Variants in DPY19L1 observed in about 807,000 individuals in gnomAD.
DPY19L1 encodes dpy-19 like C-mannosyltransferase 1.
A neutral mutation model predicts 96.9 loss-of-function variants in DPY19L1; 35 were observed. The ratio of observed to expected loss-of-function variants is 0.36; its 90% CI spans 0.28 to 0.48. The LOEUF (loss-of-function observed/expected upper bound fraction) is 0.48. Ranked by LOEUF, DPY19L1 falls within the 20% of genes least tolerant of loss-of-function variation. The pLI is 0.99. For missense variants in DPY19L1, 521 were observed against 777.9 expected (o/e 0.67, Z 3.93); for synonymous variants, 205 against 252.6 (o/e 0.81, Z 1.79).
At chr7:34,990,009 A>G in intron 6 of DPY19L1, 68 bp from the exon 7 acceptor site, 1 of 1,268,980 alleles carries the variant, frequency 7.9e-7, no homozygotes, top group Non-Finnish European at 1.1e-6. Context: ...ACCTTAAAAC[A>G]CATAATATCA....
At chr7:35,037,730 C>G (rs983965162), upstream of DPY19L1, 1 of 865,504 alleles carries the variant, frequency 1.2e-6, no homozygotes, top group Admixed American at 5.8e-5. Flanking sequence ...CCCTCTGCGC[C>G]GGACGCGCGC....
intron 13 of DPY19L1, among the ~76,000 whole-genome samples, chr7:34,950,664 T>C (rs1043516512): frequency 2.0e-5 from 3 of 152,152 alleles, no homozygotes; most frequent in Non-Finnish European, 4.4e-5. Flanking sequence ...GAGTAGGAAC[T>C]AGATGGTGGC....
intron 7 of DPY19L1, among the ~76,000 whole-genome samples, chr7:34,982,086 G>C (rs1784951433): frequency 6.6e-6 from 1 of 152,106 alleles, no homozygotes; most frequent in African/African-American, 2.4e-5. Flanking sequence ...AAAAAACAAA[G>C]AGAAACTGTT....
At chr7:34,959,995 C>A (rs192745963) in intron 10 of DPY19L1, among the ~76,000 whole-genome samples, 1 of 147,016 alleles carries the variant, frequency 6.8e-6, no homozygotes, top group African/African-American at 2.5e-5. Context: ...ATATTTTTCT[C>A]AGTTCATTTT....
chr7:34,971,809 C>T (rs1007118011), intron 8 of DPY19L1, among the ~76,000 whole-genome samples: 3 of 152,142 alleles, frequency 2.0e-5, no homozygotes, highest in Non-Finnish European at 2.9e-5. Context: ...ACTGAAGAGG[C>T]CCCATCCTGG....
chr7:35,027,299 A>G (rs1371323313), intron 1 of DPY19L1, among the ~76,000 whole-genome samples: 1 of 152,094 alleles, frequency 6.6e-6, no homozygotes, highest in Non-Finnish European at 1.5e-5. Flanking sequence ...AGCTGTTATC[A>G]CTAACACGCT....
chr7:34,949,473 G>T (rs1784225436), intron 14 of DPY19L1, among the ~76,000 whole-genome samples: 1 of 152,220 alleles, frequency 6.6e-6, no homozygotes. Context: ...ACCACAAAAT[G>T]AGTGGAAATG....
intron 21 of DPY19L1, among the ~76,000 whole-genome samples, chr7:34,933,717 T>C (rs1019778585): frequency 6.6e-6 from 1 of 152,226 alleles, no homozygotes. Flanking sequence ...GGATGTTTCC[T>C]GCCCTTGAAC....
At chr7:34,940,716 A>T (rs976379610) in intron 18 of DPY19L1, 1 of 170,168 alleles carries the variant, frequency 5.9e-6, no homozygotes, top group Non-Finnish European at 1.4e-5. Flanking sequence ...TGTGACCAGC[A>T]GGAACCCCAC....
chr7:34,933,476 T>C (rs1305248233), intron 21 of DPY19L1, among the ~76,000 whole-genome samples: 6 of 152,088 alleles, frequency 3.9e-5, no homozygotes, highest in Admixed American at 6.5e-5. Flanking sequence ...CAGTATTGAG[T>C]GTCAACTTGA....
At chr7:34,939,245 T>C in intron 20 of DPY19L1, 31 bp downstream of exon 20, 1 of 1,587,794 alleles carries the variant, frequency 6.3e-7, no homozygotes, top group Non-Finnish European at 8.6e-7. Context: ...CATGGGAGGT[T>C]TGTTTTGATG....
At chr7:34,937,072 A>C (rs1347125143) in intron 21 of DPY19L1, among the ~76,000 whole-genome samples, 1 of 152,264 alleles carries the variant, frequency 6.6e-6, no homozygotes, top group African/African-American at 2.4e-5. Context: ...CTTTAAAAGC[A>C]GGCTACTGTC....
intron 10 of DPY19L1, among the ~76,000 whole-genome samples, chr7:34,965,651 T>A (rs1346391677): frequency 1.3e-5 from 2 of 152,290 alleles, no homozygotes; most frequent in East Asian, 3.9e-4. Context: ...TTACACATTA[T>A]AAATGTTCTT....
At chr7:35,029,491 C>T (rs1786210038) in intron 1 of DPY19L1, among the ~76,000 whole-genome samples, 1 of 152,164 alleles carries the variant, frequency 6.6e-6, no homozygotes, top group Admixed American at 6.5e-5. Flanking sequence ...AGTTCATTAA[C>T]TGATAACCCA....
intron 6 of DPY19L1, among the ~76,000 whole-genome samples, chr7:35,001,936 C>G (rs1338341699): frequency 6.6e-6 from 1 of 151,912 alleles, no homozygotes; most frequent in East Asian, 1.9e-4. Context: ...CAATCCTGGC[C>G]AACATGGTAA....
At chr7:35,017,650 C>T (rs1166966686) in intron 3 of DPY19L1, among the ~76,000 whole-genome samples, 1 of 150,912 alleles carries the variant, frequency 6.6e-6, no homozygotes, top group African/African-American at 2.4e-5. Context: ...CCAGCCTGGG[C>T]GACAGAGCGA....
At chr7:34,988,439 T>C (rs1277991365) in intron 7 of DPY19L1, among the ~76,000 whole-genome samples, 2 of 152,142 alleles carry the variant, frequency 1.3e-5, no homozygotes, top group Non-Finnish European at 2.9e-5. Context: ...TCTTTTTTTT[T>C]TTTTTAAACA....
intron 11 of DPY19L1, among the ~76,000 whole-genome samples, chr7:34,956,773 G>T (rs1368697116): frequency 2.0e-5 from 3 of 152,116 alleles, no homozygotes; most frequent in Non-Finnish European, 4.4e-5. Context: ...AAAGTGCTGG[G>T]ATTAGAGGCG....
chr7:34,973,193 T>G (rs1784762073), intron 8 of DPY19L1, among the ~76,000 whole-genome samples: 1 of 152,154 alleles, frequency 6.6e-6, no homozygotes, highest in Non-Finnish European at 1.5e-5. Flanking sequence ...TGACCAGCCT[T>G]TACCTTCTTT....
Sources: allele counts gnomAD v4.1 joint callset (sites outside exome capture counted in the v4.1 genomes callset), GRCh38; gene constraint gnomAD v4.1.1; transcripts MANE v1.5; gene names NCBI Gene and HGNC (gene_info 2026-07-23, HGNC 2026-07-21).